Variants in PPFIA2 observed in about 807,000 individuals in gnomAD.
PPFIA2 encodes liprin-alpha-2.
A neutral mutation model predicts 175.5 loss-of-function variants in PPFIA2; 46 were observed. The observed-to-expected ratio is 0.26, with a 90% CI of 0.21 to 0.34. The LOEUF (loss-of-function observed/expected upper bound fraction) is 0.34. Ranked by LOEUF, PPFIA2 falls within the 10% of genes least tolerant of loss-of-function variation. PPFIA2 has a pLI of 1.00. For missense variants in PPFIA2, 1,179 were observed against 1,506.1 expected, an observed-to-expected ratio of 0.78 and a Z score of 3.60; for synonymous variants, 568 against 511.4, an observed-to-expected ratio of 1.11 and a Z score of -1.49.
At chr12:81,598,677 A>G (rs569555301) in intron 4 of PPFIA2, among the ~76,000 whole-genome samples, 1 of 151,466 alleles carries the variant, frequency 6.6e-6, no homozygotes, top group East Asian at 1.9e-4. Flanking sequence ...TAATTTATAG[A>G]TCAAAGTATA....
intron 6 of PPFIA2, 55 bp from the exon 7 acceptor site, chr12:81,440,101 G>A: frequency 7.8e-7 from 1 of 1,287,426 alleles, no homozygotes; most frequent in Non-Finnish European, 1.1e-6. Flanking sequence ...ATATTAAACT[G>A]TGCTGAATCC....
intron 14 of PPFIA2, among the ~76,000 whole-genome samples, chr12:81,365,191 A>T (rs536323861): frequency 7.2e-4 from 109 of 151,920 alleles, no homozygotes; most frequent in African/African-American, 2.6e-3. Context: ...AGAGATAAAG[A>T]TGGAAAGGGA....
chr12:81,710,536 A>G (rs554816166), intron 3 of PPFIA2, among the ~76,000 whole-genome samples: 5 of 152,092 alleles, frequency 3.3e-5, no homozygotes, highest in Non-Finnish European at 7.4e-5. Context: ...TAGTTTGAGT[A>G]TTTCTTATCT....
intron 3 of PPFIA2, among the ~76,000 whole-genome samples, chr12:81,684,995 C>T (rs557214867): frequency 6.6e-6 from 1 of 152,014 alleles, no homozygotes; most frequent in East Asian, 1.9e-4. Flanking sequence ...ATCAATAAAT[C>T]AATGCTTGAA....
At chr12:81,632,874 C>T (rs1415501356) in intron 4 of PPFIA2, among the ~76,000 whole-genome samples, 1 of 151,962 alleles carries the variant, frequency 6.6e-6, no homozygotes, top group African/African-American at 2.4e-5. Context: ...TGTTCCCAGC[C>T]CTGTGGACCC....
intron 8 of PPFIA2, among the ~76,000 whole-genome samples, chr12:81,389,875 G>A (rs1332089256): frequency 3.9e-5 from 6 of 151,976 alleles, no homozygotes; most frequent in South Asian, 2.1e-4. Context: ...ACAGAGTTGC[G>A]CAACTATCAA....
chr12:81,344,775 T>C, intron 18 of PPFIA2, 82 bp from the exon 19 acceptor site: 1 of 955,748 alleles, frequency 1.0e-6, no homozygotes, highest in Non-Finnish European at 1.6e-6. Context: ...TTTTAAATAG[T>C]GTCTACAACT....
chr12:81,423,232 A>C (rs1200795463), intron 7 of PPFIA2, among the ~76,000 whole-genome samples: 1 of 152,184 alleles, frequency 6.6e-6, no homozygotes, highest in Non-Finnish European at 1.5e-5. Context: ...TCTTCCAAAA[A>C]ATAGAAGAAG....
chr12:81,583,096 A>C (rs1200035763), intron 4 of PPFIA2, among the ~76,000 whole-genome samples: 1 of 151,932 alleles, frequency 6.6e-6, no homozygotes, highest in East Asian at 1.9e-4. Context: ...TCTGTTTAGA[A>C]AGATAATCAC....
chr12:81,644,223 T>C (rs963264298), intron 4 of PPFIA2, among the ~76,000 whole-genome samples: 7 of 151,966 alleles, frequency 4.6e-5, no homozygotes, highest in Non-Finnish European at 1.0e-4. Context: ...TCAGTATGGG[T>C]AAATGATGCA....
rs181341092 is a variant in PPFIA2 at position 81,601,413 on chromosome 12, G to A, written c.303+75378C>T. Among the ~76,000 whole-genome samples, 10 of 151,946 alleles carry A rather than the reference G, an allele frequency of 6.6e-5. No individual in the cohort carries two copies. In the South Asian group the frequency reaches 8.3e-4, roughly 13 times the overall value. ...GATTTAGAATTATTCATTGTCCATTGTGGTTGAGGCCAAAGCTTATATATC... is the reference window on the plus strand; with the variant it reads ...GATTTAGAATTATTCATTGTCCATTATGGTTGAGGCCAAAGCTTATATATC... On this transcript the variant is annotated intron_variant, in intron 4 of 32. Transcript: ENST00000549396.
chr12:81,738,190 A>G (rs1018709470), intron 3 of PPFIA2, among the ~76,000 whole-genome samples: 1 of 151,914 alleles, frequency 6.6e-6, no homozygotes, highest in African/African-American at 2.4e-5. Context: ...GCAACAATGA[A>G]AGTCAGAATA....
At chr12:81,351,704 C>T (rs944216273) in intron 17 of PPFIA2, among the ~76,000 whole-genome samples, 4 of 149,892 alleles carry the variant, frequency 2.7e-5, no homozygotes, top group Non-Finnish European at 4.4e-5. Flanking sequence ...TCAAGACCAC[C>T]CTGGGCAAGG....
intron 4 of PPFIA2, among the ~76,000 whole-genome samples, chr12:81,495,292 A>G (rs1383237356): frequency 6.6e-6 from 1 of 152,108 alleles, no homozygotes; most frequent in East Asian, 1.9e-4. Context: ...TTTGGCATAT[A>G]TCAAATTGAA....
Position 81,536,184 on chromosome 12 carries a change from T to C in PPFIA2, c.304-78318A>G, listed in dbSNP as rs191391438. 5.7e-4 allele frequency among the ~76,000 whole-genome samples: 87 copies of C among 151,902 alleles called. 1 individual carries two copies. Among genetic ancestry groups the C allele is most frequent in the African/African-American group, 2.1e-3 (86 of 41,518 alleles). ...TCAAAATCACAACAAAGCTGACAAC[T>C]ATTATTTACTTCCATATCAGATCAG... On this transcript the variant is annotated intron_variant, in intron 4 of 32. Coordinates refer to ENST00000549396, the MANE Select transcript of PPFIA2 (RefSeq NM_003625.5).
At chr12:81,283,990 T>C (rs765318042) in intron 25 of PPFIA2, among the ~76,000 whole-genome samples, 3 of 152,224 alleles carry the variant, frequency 2.0e-5, no homozygotes, top group Non-Finnish European at 4.4e-5. Context: ...ACATGAATAC[T>C]ATTTATTACT....
At chr12:81,359,810 AAAAAAAGC>A (rs2061360644) in intron 15 of PPFIA2, among the ~76,000 whole-genome samples, 2 of 151,926 alleles carry the variant, frequency 1.3e-5, no homozygotes, top group South Asian at 4.1e-4. Context: ...ATTTATTTTA[AAAAAAAGC>A]AAAACACAGA....
chr12:81,712,141 C>G (rs1277309419), intron 3 of PPFIA2, among the ~76,000 whole-genome samples: 2 of 151,048 alleles, frequency 1.3e-5, no homozygotes, highest in African/African-American at 4.8e-5. Context: ...AACTTAGCAC[C>G]ACTTTTTTAA....
At chr12:81,532,582 T>C (rs1241172651) in intron 4 of PPFIA2, among the ~76,000 whole-genome samples, 4 of 151,842 alleles carry the variant, frequency 2.6e-5, no homozygotes, top group Non-Finnish European at 4.4e-5. Context: ...TAAAATACTA[T>C]ACAGTTAGAA....
Sources: allele counts gnomAD v4.1 joint callset (sites outside exome capture counted in the v4.1 genomes callset), GRCh38; gene constraint gnomAD v4.1.1; transcripts MANE v1.5; gene names NCBI Gene and HGNC (gene_info 2026-07-23, HGNC 2026-07-21).